The following ADAM22 variants were observed in gnomAD, a reference collection of about 807,000 sequenced individuals.
The protein encoded by ADAM22 is disintegrin and metalloproteinase domain-containing protein 22.
A neutral mutation model predicts 144.6 loss-of-function variants in ADAM22; 65 were observed. That is an observed-to-expected ratio of 0.45 (90% CI 0.37 to 0.55). The LOEUF (loss-of-function observed/expected upper bound fraction) is 0.55, where lower values mean the gene tolerates loss of function less well. Ranked by LOEUF, ADAM22 falls within the 20% of genes least tolerant of loss-of-function variation. ADAM22 has a pLI of 0.00. For synonymous variants in ADAM22, 391 were observed against 412.6 expected (o/e 0.95, Z 0.63); for missense variants, 974 against 1,184.9 (o/e 0.82, Z 2.61).
rs186500094 is a variant in ADAM22 at position 88,158,046 on chromosome 7, G to A, written c.1907+2040G>A. Among the ~76,000 whole-genome samples, 454 of 152,136 alleles carry A rather than the reference G, an allele frequency of 3.0e-3. 3 individuals carry two copies. Among genetic ancestry groups the A allele is most frequent in the African/African-American group, 0.01 (430 of 41,508 alleles). On this transcript the variant is annotated intron_variant, in intron 22 of 31. Coordinates refer to ENST00000413139, the MANE Select transcript of ADAM22 (RefSeq NM_001324418.2). ...TGACATCTATAGACTCAAAATGAAA[G>A]GATGTGGGAAAATCTAGCAAGCAAA...
intron 3 of ADAM22, among the ~76,000 whole-genome samples, chr7:88,026,912 T>C (rs1450601810): frequency 6.6e-6 from 1 of 152,176 alleles, no homozygotes; most frequent in Non-Finnish European, 1.5e-5. Flanking sequence ...TATAGCCAGT[T>C]TTTTGAGGGC....
At chr7:88,059,058 A>T (rs375247805) in intron 3 of ADAM22, among the ~76,000 whole-genome samples, 2 of 152,154 alleles carry the variant, frequency 1.3e-5, no homozygotes, top group Non-Finnish European at 2.9e-5. Context: ...TGAATCAGAG[A>T]TCCTTAGTTC....
Position 88,113,720 on chromosome 7 carries a change from A to ATATATATG in ADAM22, c.474-857_474-856insGTATATAT, listed in dbSNP as rs1554478837. ...AATAAATAAATATATATATATATAT[A>ATATATATG]TATATATATATATATATATAGTAAG... On this transcript the variant is annotated intron_variant, in intron 5 of 31. Transcript: ENST00000413139. Among the ~76,000 whole-genome samples, 3 of 116,336 alleles carry ATATATATG rather than the reference A, an allele frequency of 2.6e-5. 1 individual carries two copies. Among genetic ancestry groups the ATATATATG allele is most frequent in the Non-Finnish European group, 5.2e-5 (3 of 57,276 alleles). 76.3% of individuals were successfully genotyped at this position (116,336 alleles called of 152,430 possible).
intron 2 of ADAM22, among the ~76,000 whole-genome samples, chr7:87,943,034 T>C (rs897915010): frequency 2.0e-5 from 3 of 151,878 alleles, no homozygotes; most frequent in Non-Finnish European, 4.4e-5. Context: ...GTTGAATGTG[T>C]TTACTTTGAT....
intron 7 of ADAM22, among the ~76,000 whole-genome samples, chr7:88,120,697 T>C (rs1167540057): frequency 6.6e-6 from 1 of 152,244 alleles, no homozygotes; most frequent in Non-Finnish European, 1.5e-5. Flanking sequence ...AAATATGCCT[T>C]ATGAATATAT....
chr7:87,992,135 A>G (rs1009465816), intron 3 of ADAM22, among the ~76,000 whole-genome samples: 1 of 152,240 alleles, frequency 6.6e-6, no homozygotes, highest in Non-Finnish European at 1.5e-5. Context: ...TTGCCTGGTT[A>G]AAGGGCTTCT....
At chr7:87,942,220 T>G (rs1013251695) in intron 2 of ADAM22, among the ~76,000 whole-genome samples, 3 of 152,158 alleles carry the variant, frequency 2.0e-5, no homozygotes, top group Non-Finnish European at 4.4e-5. Context: ...AAAAATACTT[T>G]TAATAGTGTC....
intron 4 of ADAM22, among the ~76,000 whole-genome samples, chr7:88,084,205 G>A (rs1817772691): frequency 6.6e-6 from 1 of 152,104 alleles, no homozygotes; most frequent in African/African-American, 2.4e-5. Flanking sequence ...AATCAGCAAA[G>A]TGCACTTCAC....
Position 87,940,795 on chromosome 7 carries a change from C to T in ADAM22, c.246+5609C>T, listed in dbSNP as rs1842323192. Among the ~76,000 whole-genome samples the T allele has an allele frequency of 7.2e-5, 11 of 152,040 alleles. No individual in the cohort carries two copies. In the South Asian group the frequency reaches 2.3e-3, roughly 31 times the overall value. ...CCTAGAATATTCAAAATATTGAGAG[C>T]CTTTCTTCTGTCTTGAAATTATTTG... On this transcript the variant is annotated intron_variant, in intron 2 of 31. Transcript: ENST00000413139.
At chr7:88,102,631 C>T (rs1179256345) in intron 4 of ADAM22, among the ~76,000 whole-genome samples, 1 of 152,182 alleles carries the variant, frequency 6.6e-6, no homozygotes, top group Admixed American at 6.6e-5. Context: ...GTATTTGTTA[C>T]AATGCAGATT....
intron 26 of ADAM22, among the ~76,000 whole-genome samples, chr7:88,176,395 C>T (rs984513673): frequency 1.3e-5 from 2 of 152,144 alleles, no homozygotes; most frequent in Non-Finnish European, 2.9e-5. Context: ...ATCTAATCTG[C>T]TCAACCTAAT....
intron 25 of ADAM22, among the ~76,000 whole-genome samples, chr7:88,169,387 T>A (rs1184809241): frequency 2.0e-5 from 3 of 152,106 alleles, no homozygotes; most frequent in African/African-American, 7.2e-5. Flanking sequence ...AATGAGCATC[T>A]AGCCCTGTAC....
chr7:87,996,463 G>A (rs754119378), intron 3 of ADAM22, among the ~76,000 whole-genome samples: 8 of 152,250 alleles, frequency 5.3e-5, no homozygotes, highest in Middle Eastern at 3.4e-3. Flanking sequence ...TTATAAGAGC[G>A]TGAATTCTAA....
chr7:87,937,275 A>G (rs1262063486), intron 2 of ADAM22, among the ~76,000 whole-genome samples: 1 of 152,120 alleles, frequency 6.6e-6, no homozygotes, highest in African/African-American at 2.4e-5. Flanking sequence ...TCTGTTTTCT[A>G]AAAGGTCTTT....
chr7:88,002,407 A>G (rs2022160), intron 3 of ADAM22, among the ~76,000 whole-genome samples: 72,813 of 151,964 alleles, frequency 0.48, 17,738 homozygotes, highest in East Asian at 0.63. Flanking sequence ...GTGCACGCAC[A>G]CTGGGAGCTG....
At chr7:87,942,485 A>G (rs1057179502) in intron 2 of ADAM22, among the ~76,000 whole-genome samples, 3 of 152,158 alleles carry the variant, frequency 2.0e-5, no homozygotes, top group African/African-American at 4.8e-5. Context: ...GGGGCCACCA[A>G]CGATTCTTTA....
intron 3 of ADAM22, among the ~76,000 whole-genome samples, chr7:88,042,966 G>A (rs1803528220): frequency 6.6e-6 from 1 of 151,262 alleles, no homozygotes; most frequent in Non-Finnish European, 1.5e-5. Flanking sequence ...AGAAGAAAAA[G>A]TTGCTTCTGG....
intron 9 of ADAM22, among the ~76,000 whole-genome samples, 193 bp downstream of exon 9, chr7:88,128,869 CT>C (rs1178202876): frequency 2.6e-5 from 4 of 151,990 alleles, no homozygotes; most frequent in Non-Finnish European, 4.4e-5. Context: ...CTAGCAGTAA[CT>C]TTTGAGTTTT....
chr7:88,089,881 G>C (rs1234756664), intron 4 of ADAM22: 4 of 152,180 alleles, frequency 2.6e-5, no homozygotes, highest in African/African-American at 9.7e-5. Context: ...TGCATTTTAA[G>C]GGCCGGCTGA....
Sources: gnomAD v4.1 joint callset for allele counts (sites outside exome capture counted in the v4.1 genomes callset) on GRCh38, gnomAD v4.1.1 for gene constraint, MANE v1.5 for transcripts, NCBI Gene and HGNC (gene_info 2026-07-23, HGNC 2026-07-21) for gene names.